CNPY1: variants seen among roughly 807,000 people sequenced by gnomAD.
The protein encoded by CNPY1 is canopy FGF signaling regulator 1.
A neutral mutation model predicts 14.4 loss-of-function variants in CNPY1; 14 were observed. That is an observed-to-expected ratio of 0.97 (90% CI 0.64 to 1.52). The LOEUF (loss-of-function observed/expected upper bound fraction) is 1.52, where lower values mean the gene tolerates loss of function less well. Ranked by LOEUF, CNPY1 falls within the 40% of genes most tolerant of loss-of-function variation. CNPY1 has a pLI of 0.00. For synonymous variants in CNPY1, 43 were observed against 46.5 expected, an observed-to-expected ratio of 0.92 and a Z score of 0.31; for missense variants, 129 against 131.5, an observed-to-expected ratio of 0.98 and a Z score of 0.09.
rs987022253 is a variant in CNPY1, at chr7:155,504,074, C to T, written c.401-969G>A. Among the ~76,000 whole-genome samples the T allele has an allele frequency of 3.3e-5, 5 of 152,158 alleles. No individual in the cohort carries two copies. In the South Asian group the frequency reaches 1.0e-3, roughly 31 times the overall value. ...CACCAGGAACATCTAATGAACTTGC[C>T]TTTATGTCTTGCCTAGGAAAAAAAG... On this transcript the variant is annotated intron_variant, in intron 4 of 4. Coordinates refer to ENST00000636446, the MANE Select transcript of CNPY1 (RefSeq NM_001393663.1).
chr7:155,524,900 T>C (rs563205945), intron 2 of CNPY1, among the ~76,000 whole-genome samples: 49 of 149,726 alleles, frequency 3.3e-4, no homozygotes, highest in Admixed American at 5.4e-4. Flanking sequence ...TAGGGACCAC[T>C]GTTCTAAGGG....
At chr7:155,507,507 A>C (rs1019231731) in intron 3 of CNPY1, among the ~76,000 whole-genome samples, 2 of 142,250 alleles carry the variant, frequency 1.4e-5, no homozygotes, top group African/African-American at 5.1e-5. Flanking sequence ...AAAGAAGACC[A>C]CAGCTCCCCG....
At chr7:155,541,206 G>A (rs1038819862) in intron 2 of CNPY1, among the ~76,000 whole-genome samples, 5 of 152,194 alleles carry the variant, frequency 3.3e-5, no homozygotes, top group Non-Finnish European at 2.9e-5. Context: ...CCCCGTTCCC[G>A]CTGTTCTGAA....
At chr7:155,509,455 A>G (rs998177768) in intron 2 of CNPY1, among the ~76,000 whole-genome samples, 3 of 152,122 alleles carry the variant, frequency 2.0e-5, no homozygotes, top group Non-Finnish European at 4.4e-5. Flanking sequence ...TTATCCATCT[A>G]CTTGTCAGAC....
At chr7:155,532,663 A>T (rs1272123606) in intron 2 of CNPY1, among the ~76,000 whole-genome samples, 6 of 152,000 alleles carry the variant, frequency 3.9e-5, no homozygotes, top group African/African-American at 9.7e-5. Context: ...GCTATATTTT[A>T]TGGTTCCTAC....
At position 155,531,720 on chromosome 7, in the gene CNPY1, A is replaced by G. The variant is rs573457978; in HGVS notation, c.99+14111T>C. ...CTTTCTCTGCATTCAGCTTCACACA[A>G]TCACACCAGGCAGACAGCAAACAGG... is the stretch of plus-strand genomic sequence containing the variant. On this transcript the variant is annotated intron_variant, in intron 2 of 4. Transcript: ENST00000636446. 3.9e-5 allele frequency among the ~76,000 whole-genome samples: 6 copies of G among 152,320 alleles called. No individual in the cohort carries two copies. The South Asian group carries it at 8.3e-4, about 21-fold the overall frequency.
At position 155,522,038 on chromosome 7, in the gene CNPY1, C is replaced by G. The variant is rs903922192; in HGVS notation, c.100-12941G>C. Among the ~76,000 whole-genome samples the G allele has an allele frequency of 1.9e-4, 29 of 152,374 alleles. 1 individual carries two copies. The highest frequency in any genetic ancestry group is 6.7e-4 in the African/African-American group (28 of 41,592). On this transcript the variant is annotated intron_variant, in intron 2 of 4. Coordinates refer to ENST00000636446, the MANE Select transcript of CNPY1 (RefSeq NM_001393663.1). ...CCTAGTGGGCACAACCGAGGTTCCT[C>G]TAGACGTGTTGAACACGCACGTGCA...
chr7:155,509,161 G>A, intron 2 of CNPY1, 64 bp from the exon 3 acceptor site: 8 of 944,450 alleles, frequency 8.5e-6, no homozygotes, highest in Non-Finnish European at 1.1e-5. Context: ...AGACCTTCCG[G>A]CGAGTCCACA....
At chr7:155,520,635 AT>A (rs1234423492) in intron 2 of CNPY1, among the ~76,000 whole-genome samples, 1 of 151,600 alleles carries the variant, frequency 6.6e-6, no homozygotes. Flanking sequence ...GCCCCTGCTT[AT>A]TTTTTAAAAA....
At chr7:155,534,044 C>G (rs888547589) in intron 2 of CNPY1, among the ~76,000 whole-genome samples, 1 of 152,166 alleles carries the variant, frequency 6.6e-6, no homozygotes, top group African/African-American at 2.4e-5. Flanking sequence ...CCTGCTGGCC[C>G]CGCCGGGAAG....
At chr7:155,506,916 A>G in intron 4 of CNPY1, 104 bp downstream of exon 4, 1 of 722,008 alleles carries the variant, frequency 1.4e-6, no homozygotes, top group South Asian at 1.5e-5. Context: ...AGAGCCGTGG[A>G]TCGCAGAGGC....
chr7:155,531,252 C>T (rs1195082608), intron 2 of CNPY1, among the ~76,000 whole-genome samples: 1 of 152,208 alleles, frequency 6.6e-6, no homozygotes, highest in African/African-American at 2.4e-5. Flanking sequence ...TGTTCACAGG[C>T]TTCTCATTCC....
chr7:155,536,154 G>T lies in CNPY1; in HGVS notation c.99+9677C>A, dbSNP rs556082952. ...CAGGTGCCATTTGAAATGGGATGCT[G>T]TAAATCCATGGCATGCAGTGGTGAA... On this transcript the variant is annotated intron_variant, in intron 2 of 4. Coordinates refer to ENST00000636446, the MANE Select transcript of CNPY1 (RefSeq NM_001393663.1). The surrounding 1 kb of genome is among the most constrained non-coding windows in gnomAD (Gnocchi z 4.1). Among the ~76,000 whole-genome samples, 1 of 152,164 alleles carries T rather than the reference G, an allele frequency of 6.6e-6. No homozygotes were observed. Among genetic ancestry groups the T allele is most frequent in the African/African-American group, 2.4e-5 (1 of 41,432 alleles).
chr7:155,520,926 A>G (rs1337211912), intron 2 of CNPY1, among the ~76,000 whole-genome samples: 2 of 152,172 alleles, frequency 1.3e-5, no homozygotes, highest in Non-Finnish European at 2.9e-5. Context: ...CAGGAGTTCA[A>G]TATGAGCCTG....
chr7:155,539,427 T>G (rs1005663872), intron 2 of CNPY1, among the ~76,000 whole-genome samples: 1 of 152,200 alleles, frequency 6.6e-6, no homozygotes, highest in East Asian at 1.9e-4. Context: ...TTCATGGCCC[T>G]CTAGCGAGTA....
intron 2 of CNPY1, among the ~76,000 whole-genome samples, chr7:155,527,052 TTC>T (rs1346972687): frequency 2.4e-4 from 15 of 63,360 alleles, no homozygotes; most frequent in Middle Eastern, 6.4e-3. Flanking sequence ...CTTTCTTTCT[TTC>T]TTTTTTTTTT....
At chr7:155,518,579 A>T (rs1796664249) in intron 2 of CNPY1, 2 of 152,358 alleles carry the variant, frequency 1.3e-5, no homozygotes, top group South Asian at 2.1e-4. Context: ...TGGACCTTTC[A>T]CTGGCACTCA....
In CNPY1 at chr7:155,502,429, G is replaced by A. The variant is rs1182122963; in HGVS notation, c.*639C>T. On this transcript the variant is annotated 3_prime_UTR_variant, in exon 5 of 5. Transcript: ENST00000636446. ...CTAAGCCACTTAAACTCAGAATGGT[G>A]TTTGAGAGGCCAATATAATTATTGT... 1 of 152,204 alleles carries A rather than the reference G, an allele frequency of 6.6e-6. No individual in the cohort carries two copies. Among genetic ancestry groups the A allele is most frequent in the East Asian group, 1.9e-4 (1 of 5,200 alleles). 9.4% of individuals were successfully genotyped at this position (152,204 alleles called of 1,614,324 possible).
chr7:155,530,079 G>T (rs1280049052), intron 2 of CNPY1, among the ~76,000 whole-genome samples: 1 of 152,044 alleles, frequency 6.6e-6, no homozygotes, highest in Non-Finnish European at 1.5e-5. Flanking sequence ...ACTGCATGCA[G>T]CCCACACTTC....
Sources: allele counts gnomAD v4.1 joint callset (sites outside exome capture counted in the v4.1 genomes callset), GRCh38; gene constraint gnomAD v4.1.1; non-coding constraint Gnocchi (gnomAD v3.1); transcripts MANE v1.5; gene names NCBI Gene and HGNC (gene_info 2026-07-23, HGNC 2026-07-21).